Variants in IL17RD observed in about 807,000 individuals in gnomAD.
The protein encoded by IL17RD is interleukin 17 receptor D, also known as interleukin-17 receptor D.
In IL17RD, 52 loss-of-function variants were observed where a neutral mutation model predicts 80.5. The observed-to-expected ratio is 0.65, with a 90% CI of 0.52 to 0.81. The LOEUF is 0.81. IL17RD is among the 40% of genes least tolerant of loss of function. The pLI, the probability that IL17RD is intolerant of heterozygous loss-of-function variation, is 0.00. For synonymous variants in IL17RD, 416 were observed against 391.8 expected (o/e 1.06, Z -0.73); for missense variants, 1,024 against 955.1 (o/e 1.07, Z -0.95).
chr3:57,165,645 A>T (rs1411208900), upstream of IL17RD, among the ~76,000 whole-genome samples: 1 of 152,020 alleles, frequency 6.6e-6, no homozygotes, highest in Non-Finnish European at 1.5e-5. Flanking sequence ...AGGAAAACAC[A>T]AAGAATGTAA....
chr3:57,113,178 C>T (rs1033437596), intron 3 of IL17RD, among the ~76,000 whole-genome samples: 2 of 152,278 alleles, frequency 1.3e-5, no homozygotes, highest in East Asian at 1.9e-4. Context: ...AGCCCCAACC[C>T]GAATCTAGCC....
rs1257191615 is a variant in IL17RD at position 57,110,207 on chromosome 3, T to C, written c.415A>G (p.Ser139Gly). The change falls in exon 4 of 13, where the codon AGC becomes GGC. Residue 139 changes from serine (S) to glycine (G), a missense_variant. Ser to Gly is a moderately conservative substitution (Grantham distance 56). Transcript: ENST00000296318. Reference sequence around the variant, plus strand: ...GTGTGACTTACAGTTCTTTTGAAGCTACTGTTGAGCTGCTTCGGATCCTTT... The same window carrying C: ...GTGTGACTTACAGTTCTTTTGAAGCCACTGTTGAGCTGCTTCGGATCCTTT... ...ILKDPKQLNS[S>G]FKRTGMESQP... The C allele has an allele frequency of 9.4e-6, 15 of 1,598,708 alleles. No individual in the cohort carries two copies. Among genetic ancestry groups the C allele is most frequent in the African/African-American group, 1.3e-5 (1 of 74,736 alleles).
chr3:57,096,659 ATCC>A (rs1234778824), intron 12 of IL17RD, among the ~76,000 whole-genome samples, 154 bp from the exon 13 acceptor site: 3 of 152,180 alleles, frequency 2.0e-5, no homozygotes, highest in Non-Finnish European at 4.4e-5. Flanking sequence ...GGGCACTCTC[ATCC>A]TCCTAACAGG....
Position 57,165,237 on chromosome 3 carries a change from C to G in IL17RD, c.50G>C (p.Cys17Ser). The change falls in exon 1 of 13, where the codon TGC becomes TCC. Residue 17 changes from cysteine (C) to serine (S), a missense_variant. Physicochemically the swap from Cys to Ser is moderately radical, Grantham distance 112. Transcript: ENST00000296318. ...CACAGCCAGCTGCGAGCCGTTGAGG[C>G]AGGCGTTGACCGTAAAGAAGACGGA... ...LCSVFFTVNACLNGSQLAVAA... is the reference protein window; with the variant it reads ...LCSVFFTVNASLNGSQLAVAA... 1 of 1,530,304 alleles carries G rather than the reference C, an allele frequency of 6.5e-7. No individual in the cohort carries two copies. Among genetic ancestry groups the G allele is most frequent in the South Asian group, 1.2e-5 (1 of 81,942 alleles). 94.8% of individuals were successfully genotyped at this position (1,530,304 alleles called of 1,614,324 possible). A position where few individuals can be genotyped will look rare whatever the true frequency, so the allele number is the denominator to read the frequency against.
chr3:57,164,873 C>A, intron 1 of IL17RD: 2 of 1,191,824 alleles, frequency 1.7e-6, no homozygotes, highest in South Asian at 4.2e-5. Context: ...CCGGCCCAGC[C>A]CCGCCGCCCC....
chr3:57,165,364 C>CGCGGCGGCCGCGGCGGCA, upstream of IL17RD: 1 of 1,142,874 alleles, frequency 8.7e-7, no homozygotes, highest in Non-Finnish European at 1.1e-6. Flanking sequence ...GGGCGGTGGC[C>CGCGGCGGCCGCGGCGGCA]GCGGCGGCCG....
chr3:57,129,004 G>A (rs1052237283), intron 1 of IL17RD, among the ~76,000 whole-genome samples: 2 of 152,118 alleles, frequency 1.3e-5, no homozygotes, highest in Admixed American at 1.3e-4. Flanking sequence ...TTAGAGACAC[G>A]CTATAAAACA....
chr3:57,103,096 T>A lies in IL17RD; in HGVS notation c.863A>T (p.Lys288Met), dbSNP rs747476458. The A allele has an allele frequency of 1.3e-6, 2 of 1,598,870 alleles. No individual in the cohort carries two copies. The highest frequency in any genetic ancestry group is 8.5e-7 in the Non-Finnish European group (1 of 1,171,718). Residue 288 changes from lysine (K) to methionine (M), a missense_variant, in exon 9 of 13, where the codon AAG (lysine) becomes ATG (methionine). Transcript: ENST00000296318. ...TCAAACAAAAAAGCACCTACCTGGC[T>A]TTAAGGCATAATGCATCACTTTTCT... ...TTRKVMHYALKPVHSPWAGPI... is the reference protein window; with the variant it reads ...TTRKVMHYALMPVHSPWAGPI...
intron 1 of IL17RD, among the ~76,000 whole-genome samples, chr3:57,148,901 A>T (rs1707993354): frequency 6.6e-6 from 1 of 152,226 alleles, no homozygotes; most frequent in African/African-American, 2.4e-5. Flanking sequence ...TCACTGCAGA[A>T]GAATGGGAGC....
intron 1 of IL17RD, chr3:57,134,505 T>C (rs554193158): frequency 1.7e-6 from 2 of 1,210,736 alleles, no homozygotes; most frequent in Admixed American, 1.7e-5. Context: ...TCACAGCCTG[T>C]ACCTGAAGGT....
At position 57,093,533 on chromosome 3, in the gene IL17RD, T is replaced by C. The variant is rs1190995156; in HGVS notation, c.*2860A>G. 2 of 152,240 alleles carry C rather than the reference T, an allele frequency of 1.3e-5. No individual in the cohort carries two copies. The highest frequency in any genetic ancestry group is 4.8e-5 in the African/African-American group (2 of 41,454). 9.4% of individuals were successfully genotyped at this position (152,240 alleles called of 1,614,324 possible). A position where few individuals can be genotyped will look rare whatever the true frequency, so the allele number is the denominator to read the frequency against. On this transcript the variant is annotated 3_prime_UTR_variant, in exon 13 of 13. Transcript: ENST00000296318. Reference sequence around the variant, plus strand: ...CCCCACATTTTTTGAAGGACAGTCTTCCTGCTTATTTGCACTCAAGATACT... The same window carrying C: ...CCCCACATTTTTTGAAGGACAGTCTCCCTGCTTATTTGCACTCAAGATACT...
chr3:57,110,314 A>G lies in IL17RD; in HGVS notation c.311-3T>C. On this transcript the variant is annotated splice_region_variant and splice_polypyrimidine_tract_variant and intron_variant, in intron 3 of 12. Transcript: ENST00000296318. The stretch of plus-strand genomic sequence containing the variant: ...AAATCCTTTCAGGAATTCGATGCCT[A>G]AGCAAAGCAGAATGCTTTTATTAAT... 6.3e-7 allele frequency: 1 copy of G among 1,587,888 alleles called. No homozygotes were observed.
At chr3:57,101,001 G>A (rs1324620761) in intron 11 of IL17RD, among the ~76,000 whole-genome samples, 178 bp downstream of exon 11, 2 of 152,192 alleles carry the variant, frequency 1.3e-5, no homozygotes, top group South Asian at 4.1e-4. Flanking sequence ...ATTTAGTGCT[G>A]GTGATGGGTA....
At chr3:57,134,219 G>C in intron 1 of IL17RD, 1 of 690,300 alleles carries the variant, frequency 1.4e-6, no homozygotes, top group Admixed American at 1.8e-5. Flanking sequence ...ACCCCAATAA[G>C]ACCAATGAAA....
intron 1 of IL17RD, among the ~76,000 whole-genome samples, chr3:57,157,922 TG>T (rs1308276060): frequency 4.0e-5 from 6 of 151,884 alleles, no homozygotes; most frequent in African/African-American, 1.2e-4. Context: ...TACTATTCAA[TG>T]GGGGGAAAAG....
intron 5 of IL17RD, among the ~76,000 whole-genome samples, chr3:57,107,748 A>G (rs1706997321): frequency 6.6e-6 from 1 of 152,200 alleles, no homozygotes. Flanking sequence ...TTCCAGAGTC[A>G]GACTTCTGGG....
chr3:57,115,353 G>C (rs574527628), intron 2 of IL17RD, among the ~76,000 whole-genome samples: 12 of 152,244 alleles, frequency 7.9e-5, no homozygotes, highest in Admixed American at 7.9e-4. Context: ...TCAGTGACAA[G>C]TGATAAAGAT....
At chr3:57,157,579 G>C (rs372313677) in intron 1 of IL17RD, among the ~76,000 whole-genome samples, 4 of 152,208 alleles carry the variant, frequency 2.6e-5, no homozygotes, top group East Asian at 3.9e-4. Context: ...GCTGCACCCA[G>C]AGCAAATGTG....
At chr3:57,149,204 G>C (rs1277385225) in intron 1 of IL17RD, among the ~76,000 whole-genome samples, 2 of 151,610 alleles carry the variant, frequency 1.3e-5, no homozygotes, top group African/African-American at 4.9e-5. Flanking sequence ...GCTGAGGCAG[G>C]AGAATCGCTT....
Sources: gnomAD v4.1 joint callset for allele counts (sites outside exome capture counted in the v4.1 genomes callset) on GRCh38, gnomAD v4.1.1 for gene constraint, MANE v1.5 for transcripts, NCBI Gene and HGNC (gene_info 2026-07-23, HGNC 2026-07-21) for gene names.